The following PLEKHH2 variants were observed in gnomAD, a reference collection of about 807,000 sequenced individuals.
PLEKHH2 encodes the protein pleckstrin homology, MyTH4 and FERM domain containing H2, also known as pleckstrin homology domain-containing family H member 2.
A neutral mutation model predicts 187.9 loss-of-function variants in PLEKHH2; 129 were observed. The observed-to-expected ratio is 0.69, with a 90% CI of 0.59 to 0.79. PLEKHH2 has a LOEUF of 0.79. Ranked by LOEUF, PLEKHH2 falls within the 30% of genes least tolerant of loss-of-function variation. The probability of loss-of-function intolerance (pLI) is 0.00; values close to 1 mark genes in which losing one functional copy is unlikely to be tolerated. For missense variants in PLEKHH2, 2,076 were observed against 1,751.2 expected (o/e 1.19, Z -3.31); for synonymous variants, 686 against 605.6 (o/e 1.13, Z -1.95).
In PLEKHH2 at chr2:43,745,846, G is replaced by A. The variant is rs186727908; in HGVS notation, c.3556-20G>A. ...GATTTGAAAAGTACTGTAAATCTCA[G>A]TTTTCCACTTCCTTTCTAGATTTGT... On this transcript the variant is annotated intron_variant, in intron 23 of 29. Coordinates refer to ENST00000282406, the MANE Select transcript of PLEKHH2 (RefSeq NM_172069.4). 121 of 1,565,990 alleles carry A rather than the reference G, an allele frequency of 7.7e-5. No homozygotes were observed. In the African/African-American group the frequency reaches 1.4e-3, roughly 18 times the overall value.
chr2:43,726,414 G>A lies in PLEKHH2; in HGVS notation c.2684G>A (p.Gly895Asp), dbSNP rs1369949943. 1 of 1,611,756 alleles carries A rather than the reference G, an allele frequency of 6.2e-7. No individual in the cohort carries two copies. The highest frequency in any genetic ancestry group is 1.3e-5 in the African/African-American group (1 of 74,832). The change falls in exon 17 of 30, where the codon GGT (glycine) becomes GAT (aspartate). Residue 895 changes from glycine to aspartate, a missense_variant. Physicochemically the swap from Gly to Asp is moderately conservative, Grantham distance 94. Transcript: ENST00000282406. ...YTIVIHPKDQ[G>D]PTYLLIGSKH... ...ATCGTTATCCATCCCAAAGACCAAG[G>A]TCCAACTTACCTCCTAATTGGATCC...
intron 1 of PLEKHH2, among the ~76,000 whole-genome samples, chr2:43,639,815 C>G (rs1176085937): frequency 6.6e-6 from 1 of 152,032 alleles, no homozygotes; most frequent in Non-Finnish European, 1.5e-5. Context: ...CACCACCATG[C>G]CTGGCTAATT....
At chr2:43,753,560 T>G in intron 24 of PLEKHH2, 59 bp from the exon 25 acceptor site, 2 of 1,333,944 alleles carry the variant, frequency 1.5e-6, no homozygotes, top group Non-Finnish European at 2.0e-6. Context: ...GGATTTATCT[T>G]TACTTTATTT....
chr2:43,754,298 A>C (rs1170135726), intron 25 of PLEKHH2, among the ~76,000 whole-genome samples: 1 of 152,098 alleles, frequency 6.6e-6, no homozygotes, highest in Non-Finnish European at 1.5e-5. Context: ...CATTAGGGTC[A>C]TGGGCTTTAT....
At chr2:43,730,074 C>A (rs564826749) in intron 18 of PLEKHH2, among the ~76,000 whole-genome samples, 1 of 152,144 alleles carries the variant, frequency 6.6e-6, no homozygotes, top group Non-Finnish European at 1.5e-5. Context: ...CCCTCTGCAG[C>A]TCAGCATCTG....
At chr2:43,746,841 G>C (rs1671797336) in intron 24 of PLEKHH2, among the ~76,000 whole-genome samples, 1 of 151,928 alleles carries the variant, frequency 6.6e-6, no homozygotes, top group Non-Finnish European at 1.5e-5. Context: ...GTGGTGGCGG[G>C]CACCTGTAGT....
In PLEKHH2 at chr2:43,700,110, T is replaced by C. The variant is rs1168840140; in HGVS notation, c.1152T>C (p.Asp384=). 6.2e-7 allele frequency: 1 copy of C among 1,613,992 alleles called. No individual in the cohort carries two copies. Among genetic ancestry groups the C allele is most frequent in the East Asian group, 2.2e-5 (1 of 44,890 alleles). Residue 384 remains aspartate, a synonymous_variant, in exon 8 of 30, where the codon GAT becomes GAC. Coordinates refer to ENST00000282406, the MANE Select transcript of PLEKHH2 (RefSeq NM_172069.4). ...LSKKEQDSSS[D]ELNKKFQSQR... Reference sequence around the variant, plus strand: ...AAAAGGAACAAGATAGTTCCTCGGATGAACTGAATAAAAAATTTCAATCCC... The same window carrying C: ...AAAAGGAACAAGATAGTTCCTCGGACGAACTGAATAAAAAATTTCAATCCC...
intron 15 of PLEKHH2, among the ~76,000 whole-genome samples, chr2:43,714,592 T>C (rs947420993): frequency 5.9e-5 from 9 of 152,204 alleles, no homozygotes; most frequent in African/African-American, 2.2e-4. Context: ...CAGAATAATA[T>C]AGGTAGATGC....
chr2:43,689,368 C>T (rs1572560261), intron 3 of PLEKHH2, among the ~76,000 whole-genome samples: 1 of 152,220 alleles, frequency 6.6e-6, no homozygotes, highest in Non-Finnish European at 1.5e-5. Context: ...TGGAGGCTAT[C>T]CGTGTATACA....
At chr2:43,719,762 G>C (rs941793874) in intron 15 of PLEKHH2, among the ~76,000 whole-genome samples, 37 of 152,156 alleles carry the variant, frequency 2.4e-4, no homozygotes, top group Admixed American at 1.0e-3. Flanking sequence ...TCTAATGTTA[G>C]AGTGTTAACC....
At chr2:43,642,121 C>T (rs1665969502) in intron 1 of PLEKHH2, among the ~76,000 whole-genome samples, 1 of 152,126 alleles carries the variant, frequency 6.6e-6, no homozygotes, top group Non-Finnish European at 1.5e-5. Flanking sequence ...CAATTTCTTC[C>T]ATTTATTTAG....
At chr2:43,763,008 C>T (rs1672487738) in intron 28 of PLEKHH2, among the ~76,000 whole-genome samples, 2 of 152,082 alleles carry the variant, frequency 1.3e-5, no homozygotes, top group African/African-American at 4.8e-5. Flanking sequence ...TGGCTATAAT[C>T]AGAAGATCAC....
At chr2:43,757,058 A>G in intron 25 of PLEKHH2, 61 bp from the exon 26 acceptor site, 1 of 1,299,828 alleles carries the variant, frequency 7.7e-7, no homozygotes, top group Non-Finnish European at 1.0e-6. Context: ...AATAAAACTA[A>G]CTGATTTTCT....
chr2:43,762,240 C>T, intron 27 of PLEKHH2, 64 bp from the exon 28 acceptor site: 1 of 1,243,214 alleles, frequency 8.0e-7, no homozygotes, highest in Non-Finnish European at 1.2e-6. Flanking sequence ...GACATTTAGA[C>T]TGAAAAATAT....
At chr2:43,696,894 C>G (rs57055161) in intron 6 of PLEKHH2, among the ~76,000 whole-genome samples, 1 of 152,078 alleles carries the variant, frequency 6.6e-6, no homozygotes, top group East Asian at 1.9e-4. Context: ...TGTGTTTTGT[C>G]GTTGCTTAGA....
At chr2:43,715,255 G>A (rs1224877180) in intron 15 of PLEKHH2, among the ~76,000 whole-genome samples, 1 of 150,658 alleles carries the variant, frequency 6.6e-6, no homozygotes, top group African/African-American at 2.4e-5. Flanking sequence ...CAGCCTGTGC[G>A]ACAAATGAAA....
Position 43,695,204 on chromosome 2 carries a change from C to A in PLEKHH2, c.482C>A (p.Thr161Lys). 6.3e-7 allele frequency: 1 copy of A among 1,588,062 alleles called. No homozygotes were observed. The highest frequency in any genetic ancestry group is 8.6e-7 in the Non-Finnish European group (1 of 1,162,924). ...CAAAACCAAACTGAAGAGATAAGAA[C>A]AATGCAGTCAAAACTACAAGGTACA... ...INQNQTEEIR[T>K]MQSKLQEVQG... The change falls in exon 6 of 30, where the codon ACA becomes AAA. Residue 161 changes from threonine (T) to lysine (K), a missense_variant. Physicochemically the swap from Thr to Lys is moderately conservative, Grantham distance 78 (BLOSUM62 -1). Coordinates refer to ENST00000282406, the MANE Select transcript of PLEKHH2 (RefSeq NM_172069.4).
rs545362327 is a variant in PLEKHH2, at chr2:43,656,339, A to T, written c.123+11543A>T. On this transcript the variant is annotated intron_variant, in intron 2 of 29. Coordinates refer to ENST00000282406, the MANE Select transcript of PLEKHH2 (RefSeq NM_172069.4). Reference sequence around the variant, plus strand: ...ATACATTTATTTTTGGTATATGTTTATACAGTTTGTGGAATGGAAAGTTAG... The same window carrying T: ...ATACATTTATTTTTGGTATATGTTTTTACAGTTTGTGGAATGGAAAGTTAG... Among the ~76,000 whole-genome samples, 9 of 152,334 alleles carry T rather than the reference A, an allele frequency of 5.9e-5. No individual in the cohort carries two copies. In the South Asian group the frequency reaches 1.4e-3, roughly 25 times the overall value.
rs1174177134 is a variant in PLEKHH2, at chr2:43,765,720, G to A, written c.*122G>A. On this transcript the variant is annotated 3_prime_UTR_variant, in exon 30 of 30. Coordinates refer to ENST00000282406, the MANE Select transcript of PLEKHH2 (RefSeq NM_172069.4). The stretch of plus-strand genomic sequence containing the variant: ...CACCGGTATTCCAAACCTTAACAAT[G>A]AAGGGGGTTAGTCTCTTTTATTTGA... 9.4e-6 allele frequency: 8 copies of A among 847,736 alleles called. No individual in the cohort carries two copies. Among genetic ancestry groups the A allele is most frequent in the Non-Finnish European group, 1.4e-5 (8 of 574,104 alleles). The allele number at this position is 847,736 out of a possible 1,614,324, so 52.5% of individuals were successfully genotyped here.
Sources: gnomAD v4.1 joint callset for allele counts (sites outside exome capture counted in the v4.1 genomes callset) on GRCh38, gnomAD v4.1.1 for gene constraint, MANE v1.5 for transcripts, NCBI Gene and HGNC (gene_info 2026-07-23, HGNC 2026-07-21) for gene names.